Variants in SH3GL3 observed in about 807,000 individuals in gnomAD.
SH3GL3 encodes endophilin-A3.
SH3GL3 carries 33 observed loss-of-function variants against 47.7 expected under a neutral mutation model. The observed-to-expected ratio is 0.69, with a 90% confidence interval of 0.52 to 0.92. The LOEUF (loss-of-function observed/expected upper bound fraction) is 0.92, where lower values mean the gene tolerates loss of function less well. Among genes scored for constraint, SH3GL3 ranks in the 40% least tolerant of loss-of-function variants. SH3GL3 has a pLI of 0.00. For missense variants in SH3GL3, 363 were observed against 417.8 expected (o/e 0.87, Z 1.14); for synonymous variants, 155 against 148.8 (o/e 1.04, Z -0.30).
At chr15:83,449,206 T>C (rs2039608423) in intron 1 of SH3GL3, among the ~76,000 whole-genome samples, 1 of 152,082 alleles carries the variant, frequency 6.6e-6, no homozygotes, top group Non-Finnish European at 1.5e-5. Flanking sequence ...ATTGAATAGA[T>C]GAAATTTTGG....
intron 1 of SH3GL3, among the ~76,000 whole-genome samples, chr15:83,525,968 T>C (rs2043403224): frequency 6.6e-6 from 1 of 152,218 alleles, no homozygotes; most frequent in African/African-American, 2.4e-5. Flanking sequence ...GCTTCTAGCT[T>C]TGTTATTTTT....
intron 1 of SH3GL3, among the ~76,000 whole-genome samples, chr15:83,467,537 T>A (rs2040622253): frequency 6.6e-6 from 1 of 152,238 alleles, no homozygotes; most frequent in Non-Finnish European, 1.5e-5. Context: ...TTCGTATAAA[T>A]TTTAGAATAC....
intron 8 of SH3GL3, among the ~76,000 whole-genome samples, chr15:83,604,435 G>A (rs1596339013): frequency 6.6e-6 from 1 of 152,106 alleles, no homozygotes; most frequent in East Asian, 1.9e-4. Flanking sequence ...GCAGTGTAGA[G>A]AGTGTTAAGC....
intron 8 of SH3GL3, among the ~76,000 whole-genome samples, chr15:83,600,196 A>T (rs1474531646): frequency 1.3e-5 from 2 of 152,132 alleles, no homozygotes; most frequent in East Asian, 3.9e-4. Context: ...TAGTTTAATT[A>T]AGTCCCAGCT....
intron 2 of SH3GL3, among the ~76,000 whole-genome samples, chr15:83,560,521 A>G (rs1397498377): frequency 6.6e-6 from 1 of 152,250 alleles, no homozygotes; most frequent in Non-Finnish European, 1.5e-5. Flanking sequence ...GTTACTAACA[A>G]AATGATTCAG....
chr15:83,580,916 A>C (rs1373812560), intron 6 of SH3GL3, among the ~76,000 whole-genome samples: 1 of 152,252 alleles, frequency 6.6e-6, no homozygotes, highest in Admixed American at 6.5e-5. Context: ...GAGAGGACTT[A>C]GAAGCATTCG....
chr15:83,589,291 G>A (rs2060032241), intron 8 of SH3GL3, among the ~76,000 whole-genome samples: 1 of 152,170 alleles, frequency 6.6e-6, no homozygotes, highest in African/African-American at 2.4e-5. Context: ...TGTAGCCACT[G>A]TTAAAAAAAT....
downstream of SH3GL3, among the ~76,000 whole-genome samples, chr15:83,620,919 AT>A (rs1326432895): frequency 6.6e-6 from 1 of 152,204 alleles, no homozygotes; most frequent in Admixed American, 6.5e-5. Flanking sequence ...TCTTAGCTAG[AT>A]CTTCTGGATA....
intron 1 of SH3GL3, among the ~76,000 whole-genome samples, chr15:83,525,614 T>C (rs560882844): frequency 6.6e-6 from 1 of 152,120 alleles, no homozygotes; most frequent in Non-Finnish European, 1.5e-5. Flanking sequence ...TGCCCTGGAG[T>C]GTTTCCCCTG....
At chr15:83,554,668 A>C (rs2044849808) in intron 1 of SH3GL3, among the ~76,000 whole-genome samples, 1 of 152,166 alleles carries the variant, frequency 6.6e-6, no homozygotes, top group Non-Finnish European at 1.5e-5. Flanking sequence ...GATTACAGGC[A>C]TGATCTGTAA....
intron 1 of SH3GL3, among the ~76,000 whole-genome samples, chr15:83,517,463 C>T (rs1285414530): frequency 1.3e-5 from 2 of 152,088 alleles, no homozygotes; most frequent in Non-Finnish European, 2.9e-5. Flanking sequence ...GCCTCACCCT[C>T]CCAAAGTGCT....
chr15:83,502,207 T>A (rs1209326609), intron 1 of SH3GL3, among the ~76,000 whole-genome samples: 1 of 152,252 alleles, frequency 6.6e-6, no homozygotes, highest in Non-Finnish European at 1.5e-5. Context: ...CTGGGTGGGA[T>A]GCATTCCCCT....
At chr15:83,512,140 A>G (rs1485234589) in intron 1 of SH3GL3, among the ~76,000 whole-genome samples, 4 of 151,554 alleles carry the variant, frequency 2.6e-5, no homozygotes, top group Non-Finnish European at 1.5e-5. Flanking sequence ...AGGAGACTTG[A>G]CCCCATCCCT....
Position 83,448,381 on chromosome 15 carries a change from A to G in SH3GL3, c.45+803A>G, listed in dbSNP as rs1448700350. Among the ~76,000 whole-genome samples the G allele has an allele frequency of 6.6e-6, 1 of 151,610 alleles. No homozygotes were observed. The highest frequency in any genetic ancestry group is 3.2e-3 in the Middle Eastern group (1 of 316). On this transcript the variant is annotated intron_variant, in intron 1 of 8. Transcript: ENST00000427482. The surrounding 1 kb of genome is among the most constrained non-coding windows in gnomAD (Gnocchi z 4.2). Reference sequence around the variant, plus strand: ...GAATTATGGCTGAGGGTGTGGGATGATAGGAGGAAAGCCGTTCTGAGCAGA... The same window carrying G: ...GAATTATGGCTGAGGGTGTGGGATGGTAGGAGGAAAGCCGTTCTGAGCAGA...
At chr15:83,611,810 C>A (rs1474086600) in intron 8 of SH3GL3, among the ~76,000 whole-genome samples, 1 of 152,094 alleles carries the variant, frequency 6.6e-6, no homozygotes, top group African/African-American at 2.4e-5. Flanking sequence ...AGTTGGAAAG[C>A]CTCCATTGAG....
intron 4 of SH3GL3, among the ~76,000 whole-genome samples, chr15:83,570,047 A>T (rs1419367311): frequency 6.6e-6 from 1 of 152,100 alleles, no homozygotes; most frequent in Non-Finnish European, 1.5e-5. Context: ...TATGGTTTCT[A>T]GCTTTTTGGA....
intron 1 of SH3GL3, among the ~76,000 whole-genome samples, chr15:83,520,820 C>T (rs1039183291): frequency 6.6e-6 from 1 of 152,106 alleles, no homozygotes. Context: ...CCCACCCCCA[C>T]AACACAGATA....
At chr15:83,449,556 G>A (rs992507178) in intron 1 of SH3GL3, among the ~76,000 whole-genome samples, 2 of 152,166 alleles carry the variant, frequency 1.3e-5, no homozygotes, top group African/African-American at 4.8e-5. Flanking sequence ...TAAGCCCTTG[G>A]GTGATTTAAG....
At chr15:83,563,072 A>G (rs1486328129) in intron 2 of SH3GL3, among the ~76,000 whole-genome samples, 1 of 152,216 alleles carries the variant, frequency 6.6e-6, no homozygotes, top group African/African-American at 2.4e-5. Context: ...ACCTAAGGGG[A>G]ACAAATACGA....
Sources: allele counts gnomAD v4.1 joint callset (sites outside exome capture counted in the v4.1 genomes callset), GRCh38; gene constraint gnomAD v4.1.1; non-coding constraint Gnocchi (gnomAD v3.1); transcripts MANE v1.5; gene names NCBI Gene and HGNC (gene_info 2026-07-23, HGNC 2026-07-21).